Variants in MBOAT2 observed in about 807,000 individuals in gnomAD.
MBOAT2 encodes membrane bound glycerophospholipid O-acyltransferase 2.
MBOAT2 carries 28 observed loss-of-function variants against 63.4 expected under a neutral mutation model. The ratio of observed to expected loss-of-function variants is 0.44; its 90% CI spans 0.33 to 0.61. The LOEUF (loss-of-function observed/expected upper bound fraction) is 0.61. Among genes scored for constraint, MBOAT2 ranks in the 20% least tolerant of loss-of-function variants. The pLI is 0.03. For missense variants in MBOAT2, 470 were observed against 605.8 expected (o/e 0.78, Z 2.35); for synonymous variants, 211 against 215.6 (o/e 0.98, Z 0.19).
chr2:8,858,870 A>C lies in MBOAT2; in HGVS notation c.1372T>G (p.Leu458Val), dbSNP rs749877859. ...TTCACTGGCAACAACAATAATACTA[A>C]GATACCAAGAATGTGCAGGCAATAA... is the stretch of plus-strand genomic sequence containing the variant. ...WYYCLHILGILVLLLLPVKKT... is the reference protein window; with the variant it reads ...WYYCLHILGIVVLLLLPVKKT... Residue 458 changes from leucine to valine, a missense_variant, in exon 13 of 13, where the codon TTA (leucine) becomes GTA (valine). Around this residue, in one of 3 missense-constraint regions of MBOAT2, gnomAD observed 90 missense variants for 84.9 expected, o/e 1.06. Coordinates refer to ENST00000305997, the MANE Select transcript of MBOAT2 (RefSeq NM_138799.4). 2.5e-6 allele frequency: 4 copies of C among 1,613,064 alleles called. No homozygotes were observed. The highest frequency in any genetic ancestry group is 2.2e-5 in the South Asian group (2 of 90,990).
intron 2 of MBOAT2, among the ~76,000 whole-genome samples, chr2:8,953,973 T>C (rs1319426627): frequency 1.3e-5 from 2 of 152,232 alleles, no homozygotes; most frequent in East Asian, 1.9e-4. Flanking sequence ...GTGCAATCAT[T>C]TGGCAGTGTC....
At chr2:8,907,244 C>T (rs1301718483) in intron 4 of MBOAT2, among the ~76,000 whole-genome samples, 1 of 152,158 alleles carries the variant, frequency 6.6e-6, no homozygotes. Flanking sequence ...TTTGTGTTGT[C>T]TGTTACTTTC....
intron 3 of MBOAT2, among the ~76,000 whole-genome samples, chr2:8,912,542 C>T (rs1322235975): frequency 6.6e-6 from 1 of 152,112 alleles, no homozygotes; most frequent in Non-Finnish European, 1.5e-5. Flanking sequence ...CTCTTCTATA[C>T]ACCAACAGCA....
intron 3 of MBOAT2, among the ~76,000 whole-genome samples, chr2:8,921,165 G>A (rs933664689): frequency 5.3e-5 from 8 of 151,938 alleles, no homozygotes; most frequent in African/African-American, 1.9e-4. Context: ...CTCCTTTAGT[G>A]CCTTCTTTTG....
intron 3 of MBOAT2, among the ~76,000 whole-genome samples, chr2:8,942,013 T>C (rs1014972542): frequency 9.2e-5 from 14 of 152,204 alleles, no homozygotes; most frequent in Non-Finnish European, 1.9e-4. Context: ...GTACAAGTTT[T>C]TTAAAAAATA....
chr2:8,979,348 C>A (rs1266630190), intron 1 of MBOAT2, among the ~76,000 whole-genome samples: 1 of 151,956 alleles, frequency 6.6e-6, no homozygotes, highest in East Asian at 1.9e-4. Context: ...ATTTATTTTT[C>A]TTTTTTAGAG....
intron 3 of MBOAT2, among the ~76,000 whole-genome samples, chr2:8,938,847 C>T (rs184473423): frequency 1.1e-3 from 169 of 152,332 alleles, no homozygotes; most frequent in Middle Eastern, 6.8e-3. Flanking sequence ...AAAGTCTGCC[C>T]TTGCTACCTC....
At chr2:8,924,706 C>CTTT (rs752934933) in intron 3 of MBOAT2, among the ~76,000 whole-genome samples, 1 of 139,420 alleles carries the variant, frequency 7.2e-6, no homozygotes, top group Admixed American at 7.2e-5. Flanking sequence ...GGTTCAGCTG[C>CTTT]TTTTTTTTTT....
chr2:8,927,985 T>C (rs982993341), intron 3 of MBOAT2, among the ~76,000 whole-genome samples: 1 of 152,128 alleles, frequency 6.6e-6, no homozygotes, highest in African/African-American at 2.4e-5. Context: ...CTTATAATCA[T>C]GGCAGAAGGT....
chr2:8,899,056 C>T (rs1664711583), intron 4 of MBOAT2, among the ~76,000 whole-genome samples: 1 of 152,152 alleles, frequency 6.6e-6, no homozygotes, highest in African/African-American at 2.4e-5. Flanking sequence ...AGCTCCAGGT[C>T]TTAAGGGATA....
intron 4 of MBOAT2, among the ~76,000 whole-genome samples, chr2:8,904,034 T>A (rs1665154412): frequency 6.6e-6 from 1 of 152,092 alleles, no homozygotes. Flanking sequence ...TGGAGTGCAG[T>A]GGTGTGATCA....
At chr2:9,001,344 G>T (rs1573298492) in intron 1 of MBOAT2, among the ~76,000 whole-genome samples, 1 of 152,086 alleles carries the variant, frequency 6.6e-6, no homozygotes, top group East Asian at 1.9e-4. Flanking sequence ...TATAGGACTG[G>T]CAGCACAGTA....
intron 3 of MBOAT2, among the ~76,000 whole-genome samples, chr2:8,911,336 G>A (rs1255932689): frequency 6.6e-6 from 1 of 152,162 alleles, no homozygotes; most frequent in Non-Finnish European, 1.5e-5. Flanking sequence ...AGGAAAGTGG[G>A]TAAACTTTCA....
rs535385927 is a variant in MBOAT2 at position 8,919,643 on chromosome 2, C to A, written c.300-10927G>T. On this transcript the variant is annotated intron_variant, in intron 3 of 12. Coordinates refer to ENST00000305997, the MANE Select transcript of MBOAT2 (RefSeq NM_138799.4). The stretch of plus-strand genomic sequence containing the variant: ...AGTCCTGTATCAGACACATGTTTTG[C>A]AAGTATTTTTCTCCTGTGGCTTATC... 3.5e-4 allele frequency among the ~76,000 whole-genome samples: 53 copies of A among 152,218 alleles called. No individual in the cohort carries two copies. In the South Asian group the frequency reaches 0.011, roughly 30 times the overall value.
intron 2 of MBOAT2, among the ~76,000 whole-genome samples, chr2:8,954,334 T>C (rs1669055257): frequency 6.6e-6 from 1 of 152,168 alleles, no homozygotes; most frequent in South Asian, 2.1e-4. Flanking sequence ...AGCTCTCTAT[T>C]GCCTCAGGCA....
chr2:8,991,731 C>T (rs1410305411), intron 1 of MBOAT2, among the ~76,000 whole-genome samples: 1 of 152,144 alleles, frequency 6.6e-6, no homozygotes, highest in African/African-American at 2.4e-5. Context: ...GATGTGTTAT[C>T]AGGGCTCAAA....
chr2:8,888,954 C>T, intron 4 of MBOAT2, among the ~76,000 whole-genome samples: 1 of 152,208 alleles, frequency 6.6e-6, no homozygotes, highest in African/African-American at 2.4e-5. Flanking sequence ...TACTGAAGAA[C>T]AATTGACCAG....
intron 5 of MBOAT2, among the ~76,000 whole-genome samples, chr2:8,885,094 C>T (rs180965817): frequency 6.6e-6 from 1 of 152,308 alleles, no homozygotes; most frequent in Admixed American, 6.5e-5. Flanking sequence ...TTACCCTGAA[C>T]ATACCATTTT....
In MBOAT2 at chr2:8,972,259, A is replaced by C. The variant is rs1219432355; in HGVS notation, c.76-13617T>G. Among the ~76,000 whole-genome samples, 345 of 152,096 alleles carry C rather than the reference A, an allele frequency of 2.3e-3. 3 individuals are homozygous for C. Among genetic ancestry groups the C allele is most frequent in the African/African-American group, 8.0e-3 (330 of 41,372 alleles). On this transcript the variant is annotated intron_variant, in intron 1 of 12. Coordinates refer to ENST00000305997, the MANE Select transcript of MBOAT2 (RefSeq NM_138799.4). The stretch of plus-strand genomic sequence containing the variant: ...CTTTGACAAACCTGACAAAAACAAG[A>C]AATGCGGAAAGGATTCCCTATTTAA...
Sources: gnomAD v4.1 joint callset for allele counts (sites outside exome capture counted in the v4.1 genomes callset) on GRCh38, gnomAD v4.1.1 for gene constraint, gnomAD v4.1.1 regional missense constraint, MANE v1.5 for transcripts, NCBI Gene and HGNC (gene_info 2026-07-23, HGNC 2026-07-21) for gene names.